The following NAV2 variants were observed in gnomAD, a reference collection of about 807,000 sequenced individuals.
NAV2 encodes helicase, APC down-regulated 1.
In NAV2, 54 loss-of-function variants were observed where a neutral mutation model predicts 223.2. The observed-to-expected ratio is 0.24, with a 90% CI of 0.19 to 0.30. NAV2 has a LOEUF of 0.30. Among genes scored for constraint, NAV2 ranks in the 10% least tolerant of loss-of-function variants. The pLI is 1.00. For synonymous variants in NAV2, 1,279 were observed against 1,239.3 expected (o/e 1.03, Z -0.67); for missense variants, 2,806 against 3,147.5 (o/e 0.89, Z 2.60).
chr11:19,421,764 CTTTT>C (rs373669949), intron 1 of NAV2, among the ~76,000 whole-genome samples: 6 of 84,546 alleles, frequency 7.1e-5, no homozygotes, highest in Admixed American at 5.5e-4. Flanking sequence ...AAGAGAGAGG[CTTTT>C]TTTTTTTTTT....
intron 1 of NAV2, among the ~76,000 whole-genome samples, chr11:19,459,912 G>A (rs1471586974): frequency 6.6e-6 from 1 of 152,186 alleles, no homozygotes; most frequent in Non-Finnish European, 1.5e-5. Context: ...AGGGTGGATT[G>A]CAAGTGGGGA....
intron 1 of NAV2, among the ~76,000 whole-genome samples, chr11:19,595,267 C>T (rs1372275616): frequency 6.6e-6 from 1 of 152,114 alleles, no homozygotes; most frequent in African/African-American, 2.4e-5. Context: ...GTAACCATGA[C>T]CAGGGAGCAT....
chr11:19,407,679 C>T (rs746542341), intron 1 of NAV2, among the ~76,000 whole-genome samples: 1 of 151,498 alleles, frequency 6.6e-6, no homozygotes, highest in South Asian at 2.1e-4. Flanking sequence ...TAGAGAATTC[C>T]CCACCCACCC....
At chr11:19,903,936 C>G (rs1456749974) in intron 6 of NAV2, among the ~76,000 whole-genome samples, 1 of 152,186 alleles carries the variant, frequency 6.6e-6, no homozygotes, top group Admixed American at 6.5e-5. Flanking sequence ...AGTGGAAAGA[C>G]TTTCTCTTGA....
At chr11:19,798,465 A>C (rs946771774) in intron 1 of NAV2, among the ~76,000 whole-genome samples, 2 of 152,214 alleles carry the variant, frequency 1.3e-5, no homozygotes, top group Non-Finnish European at 2.9e-5. Context: ...GCTGTGGGAA[A>C]ATGGCTTTAA....
intron 10 of NAV2, among the ~76,000 whole-genome samples, chr11:19,957,916 A>T (rs1377630941): frequency 6.6e-6 from 1 of 152,176 alleles, no homozygotes; most frequent in Non-Finnish European, 1.5e-5. Flanking sequence ...AGAAAAAAAA[A>T]TAAATGGGTG....
chr11:19,876,873 C>T (rs2062864526), intron 4 of NAV2, among the ~76,000 whole-genome samples: 1 of 150,112 alleles, frequency 6.7e-6, no homozygotes, highest in Non-Finnish European at 1.5e-5. Context: ...CAAATGCCTA[C>T]CAGCTAGGAT....
At chr11:20,050,521 G>T (rs948142838) in intron 16 of NAV2, among the ~76,000 whole-genome samples, 4 of 151,450 alleles carry the variant, frequency 2.6e-5, no homozygotes, top group Admixed American at 2.6e-4. Context: ...TTAATTTTGT[G>T]GGGGAGTGAT....
intron 11 of NAV2, among the ~76,000 whole-genome samples, chr11:20,009,643 G>A (rs1371444771): frequency 6.6e-6 from 1 of 152,064 alleles, no homozygotes; most frequent in Non-Finnish European, 1.5e-5. Flanking sequence ...CTGTCTATGA[G>A]CTTCCGATCC....
At chr11:19,467,018 C>CACACAGAG (rs982297137) in intron 1 of NAV2, among the ~76,000 whole-genome samples, 63 of 82,444 alleles carry the variant, frequency 7.6e-4, no homozygotes, top group African/African-American at 2.3e-3. Flanking sequence ...CACACACACA[C>CACACAGAG]AGAGAGAGAG....
At chr11:19,577,887 T>G (rs1565066747) in intron 1 of NAV2, among the ~76,000 whole-genome samples, 1 of 152,168 alleles carries the variant, frequency 6.6e-6, no homozygotes, top group Non-Finnish European at 1.5e-5. Context: ...AGGCAGCATG[T>G]GCACAGGCCT....
intron 25 of NAV2, among the ~76,000 whole-genome samples, chr11:20,081,975 G>A (rs184797064): frequency 6.6e-6 from 1 of 152,094 alleles, no homozygotes; most frequent in Admixed American, 6.5e-5. Context: ...ACAGAGGCGG[G>A]GGGGAAAGAA....
At chr11:19,872,228 G>C (rs751307994) in intron 4 of NAV2, among the ~76,000 whole-genome samples, 13 of 152,126 alleles carry the variant, frequency 8.5e-5, no homozygotes, top group Non-Finnish European at 1.5e-4. Flanking sequence ...GATTTATTGA[G>C]AACTTACCAC....
chr11:19,834,442 G>A (rs1168901600), intron 2 of NAV2, among the ~76,000 whole-genome samples: 1 of 152,130 alleles, frequency 6.6e-6, no homozygotes, highest in Non-Finnish European at 1.5e-5. Flanking sequence ...GCGGGGCCTT[G>A]TCCTCCTTCA....
At chr11:19,852,273 T>C (rs2061187154) in intron 3 of NAV2, among the ~76,000 whole-genome samples, 1 of 152,236 alleles carries the variant, frequency 6.6e-6, no homozygotes, top group Admixed American at 6.5e-5. Context: ...GAGAGTAAGC[T>C]ATTTGGGTTT....
chr11:20,103,579 T>C (rs2061800372), intron 33 of NAV2, 74 bp from the exon 34 acceptor site: 2 of 1,530,954 alleles, frequency 1.3e-6, no homozygotes, highest in Non-Finnish European at 1.8e-6. Flanking sequence ...CACAGGGCCA[T>C]GGGCCTCTGT....
intron 3 of NAV2, among the ~76,000 whole-genome samples, chr11:19,844,006 C>T (rs2060646085): frequency 6.6e-6 from 1 of 152,062 alleles, no homozygotes; most frequent in Non-Finnish European, 1.5e-5. Context: ...AGTCATTTTC[C>T]AGTTTATATT....
chr11:20,062,176 G>A (rs1222374737), intron 19 of NAV2, 131 bp from the exon 20 acceptor site: 2 of 559,436 alleles, frequency 3.6e-6, no homozygotes, highest in Non-Finnish European at 6.2e-6. Context: ...AACCAGGAAA[G>A]GTTGTGTCAA....
In NAV2 at chr11:19,984,185, G is replaced by A. The variant is rs1221972568; in HGVS notation, c.2706G>A (p.Gly902=). ...YTRRLNRLPD[G]MAVVRETLQR... ...GTCGCCTGAACCGGCTCCCTGATGGGATGGCTGTGGTACGGGAGACCCTGC... is the reference window on the plus strand; with the variant it reads ...GTCGCCTGAACCGGCTCCCTGATGGAATGGCTGTGGTACGGGAGACCCTGC... The change falls in exon 11 of 38, where the codon GGG becomes GGA. Residue 902 remains glycine (G), a synonymous_variant. Coordinates refer to ENST00000349880, the MANE Select transcript of NAV2 (RefSeq NM_145117.5). 2 of 1,614,214 alleles carry A rather than the reference G, an allele frequency of 1.2e-6. No individual in the cohort carries two copies. Among genetic ancestry groups the A allele is most frequent in the Admixed American group, 3.3e-5 (2 of 60,032 alleles).
Sources: gnomAD v4.1 joint callset for allele counts (sites outside exome capture counted in the v4.1 genomes callset) on GRCh38, gnomAD v4.1.1 for gene constraint, MANE v1.5 for transcripts, NCBI Gene and HGNC (gene_info 2026-07-23, HGNC 2026-07-21) for gene names.